The following CRTC1 variants were observed in gnomAD, a reference collection of about 807,000 sequenced individuals.
The protein encoded by CRTC1 is CREB regulated transcription coactivator 1.
In CRTC1, 18 loss-of-function variants were observed where a neutral mutation model predicts 66.1. That is an observed-to-expected ratio of 0.27 (90% CI 0.19 to 0.40). The LOEUF is 0.40. Among genes scored for constraint, CRTC1 ranks in the 10% least tolerant of loss-of-function variants. The pLI is 1.00. For synonymous variants in CRTC1, 416 were observed against 398.8 expected, an observed-to-expected ratio of 1.04 and a Z score of -0.51; for missense variants, 669 against 887.9, an observed-to-expected ratio of 0.75 and a Z score of 3.13.
In CRTC1 at chr19:18,733,978, G is replaced by A. The variant is rs529740680; in HGVS notation, c.127-8932G>A. Among the ~76,000 whole-genome samples the A allele has an allele frequency of 8.5e-5, 13 of 152,160 alleles. No individual in the cohort carries two copies. The South Asian group carries it at 1.2e-3, about 15-fold the overall frequency. ...ACAAAAATTCGCCGGGCATGGTGGC[G>A]CGTGCCTGTAATCCCAGCTACTTGG... On this transcript the variant is annotated intron_variant, in intron 1 of 13. Coordinates refer to ENST00000321949, the MANE Select transcript of CRTC1 (RefSeq NM_015321.3).
intron 13 of CRTC1, among the ~76,000 whole-genome samples, chr19:18,776,733 G>C (rs754167446): frequency 6.6e-6 from 1 of 152,174 alleles, no homozygotes; most frequent in African/African-American, 2.4e-5. Flanking sequence ...GTTTGAACCC[G>C]GGTCTTTGTG....
chr19:18,753,440 C>A, intron 5 of CRTC1, 60 bp from the exon 6 acceptor site: 2 of 1,261,312 alleles, frequency 1.6e-6, no homozygotes, highest in Non-Finnish European at 2.3e-6. Context: ...CCTGGTACCA[C>A]CATGCGGCTG....
intron 1 of CRTC1, among the ~76,000 whole-genome samples, chr19:18,711,381 G>T (rs1476686845): frequency 3.9e-5 from 6 of 152,180 alleles, no homozygotes; most frequent in Non-Finnish European, 7.4e-5. Context: ...TCTGTGCCTG[G>T]GCCGGGCGGG....
intron 13 of CRTC1, 24 bp downstream of exon 13, chr19:18,775,845 G>T (rs374747410): frequency 6.5e-7 from 1 of 1,543,222 alleles, no homozygotes; most frequent in Non-Finnish European, 8.7e-7. Context: ...GGGGGCGCGT[G>T]TGCGGCGCCC....
chr19:18,752,702 G>T (rs370761761), intron 5 of CRTC1, among the ~76,000 whole-genome samples: 1 of 150,712 alleles, frequency 6.6e-6, no homozygotes, highest in Non-Finnish European at 1.5e-5. Context: ...GTGCAATGGC[G>T]TGATGTCAGC....
rs2054871448 is a variant in CRTC1 at position 18,771,628 on chromosome 19, G to GTCCTCATGCATCGC, written c.1425+94_1425+107dup. On this transcript the variant is annotated intron_variant, in intron 11 of 13. Coordinates refer to ENST00000321949, the MANE Select transcript of CRTC1 (RefSeq NM_015321.3). This position sits in a 1 kb window ranked among gnomAD's most constrained non-coding sequence, Gnocchi z 4.6. ...CCCGTGTGTTCCCTGCCCACTGTCT[G>GTCCTCATGCATCGC]TCCTCATGCATCGCTCCTCATGCAT... is the stretch of plus-strand genomic sequence containing the variant. 1 of 1,070,202 alleles carries GTCCTCATGCATCGC rather than the reference G, an allele frequency of 9.3e-7. No homozygotes were observed. Among genetic ancestry groups the GTCCTCATGCATCGC allele is most frequent in the Non-Finnish European group, 1.4e-6 (1 of 712,080 alleles). 66.3% of individuals were successfully genotyped at this position (1,070,202 alleles called of 1,614,324 possible).
chr19:18,698,004 CA>C (rs1312225634), intron 1 of CRTC1, among the ~76,000 whole-genome samples: 1 of 151,840 alleles, frequency 6.6e-6, no homozygotes, highest in Non-Finnish European at 1.5e-5. Flanking sequence ...AGCTGGTGCT[CA>C]GCAGGCTTAC....
intron 1 of CRTC1, among the ~76,000 whole-genome samples, chr19:18,684,843 T>A (rs2052650179): frequency 6.6e-6 from 1 of 151,334 alleles, no homozygotes; most frequent in Admixed American, 6.6e-5. Context: ...GGGGCTGGTG[T>A]CTGAGCACGG....
chr19:18,771,029 T>C lies in CRTC1; in HGVS notation c.1321-413T>C, dbSNP rs2054854809. 6.6e-6 allele frequency among the ~76,000 whole-genome samples: 1 copy of C among 151,292 alleles called. No individual in the cohort carries two copies. Among genetic ancestry groups the C allele is most frequent in the African/African-American group, 2.4e-5 (1 of 41,148 alleles). ...ACATTCATGTGTGGATATGTGCACATGTGTGGGTGTGCATGTGTGGGTATG... is the reference window on the plus strand; with the variant it reads ...ACATTCATGTGTGGATATGTGCACACGTGTGGGTGTGCATGTGTGGGTATG... On this transcript the variant is annotated intron_variant, in intron 10 of 13. Transcript: ENST00000321949. The surrounding 1 kb of genome is among the most constrained non-coding windows in gnomAD (Gnocchi z 4.6).
chr19:18,720,629 G>C (rs993776358), intron 1 of CRTC1, among the ~76,000 whole-genome samples: 8 of 149,258 alleles, frequency 5.4e-5, no homozygotes, highest in Non-Finnish European at 4.4e-5. Flanking sequence ...GCCTCCCAGA[G>C]TGCTGGGATA....
At chr19:18,735,601 G>A (rs2053980685) in intron 1 of CRTC1, 1 of 152,296 alleles carries the variant, frequency 6.6e-6, no homozygotes, top group African/African-American at 2.4e-5. Flanking sequence ...CACAGTAGAG[G>A]CCTGGAGCCC....
chr19:18,761,834 G>A (rs1363649155), intron 8 of CRTC1, among the ~76,000 whole-genome samples: 2 of 152,132 alleles, frequency 1.3e-5, no homozygotes, highest in East Asian at 1.9e-4. Context: ...GGAGGGCATG[G>A]GGACTAGAAT....
At chr19:18,702,151 G>C (rs1359473809) in intron 1 of CRTC1, among the ~76,000 whole-genome samples, 1 of 151,584 alleles carries the variant, frequency 6.6e-6, no homozygotes, top group East Asian at 1.9e-4. Context: ...TTGAACTCCC[G>C]ACCTCAGGTG....
At chr19:18,704,597 A>T (rs143041022) in intron 1 of CRTC1, among the ~76,000 whole-genome samples, 2,073 of 152,144 alleles carry the variant, frequency 0.014, 58 homozygotes, top group African/African-American at 0.048. Context: ...CTGTAATCCC[A>T]GCTACTCGGG....
chr19:18,748,630 G>A (rs931537135), intron 4 of CRTC1, among the ~76,000 whole-genome samples: 5 of 149,162 alleles, frequency 3.4e-5, no homozygotes, highest in Non-Finnish European at 7.4e-5. Context: ...AGCTTGGGAG[G>A]TTGAGGATGC....
intron 1 of CRTC1, among the ~76,000 whole-genome samples, chr19:18,737,535 C>T (rs2054023636): frequency 6.6e-6 from 1 of 152,196 alleles, no homozygotes; most frequent in East Asian, 1.9e-4. Context: ...TGTACTGGTA[C>T]ACCCTCAAAA....
At chr19:18,759,212 G>T (rs2054559241) in intron 6 of CRTC1, among the ~76,000 whole-genome samples, 1 of 152,150 alleles carries the variant, frequency 6.6e-6, no homozygotes, top group Non-Finnish European at 1.5e-5. Context: ...CTATGAAATA[G>T]AATAAAAATT....
intron 1 of CRTC1, among the ~76,000 whole-genome samples, chr19:18,706,298 G>A (rs1391878872): frequency 2.9e-5 from 4 of 138,702 alleles, no homozygotes; most frequent in African/African-American, 5.4e-5. Context: ...TCCTCCTCCC[G>A]GGTTCAAAGC....
chr19:18,775,899 C>T (rs2054977651), intron 13 of CRTC1, 78 bp downstream of exon 13: 1 of 1,423,104 alleles, frequency 7.0e-7, no homozygotes, highest in Non-Finnish European at 9.4e-7. Context: ...GACTGCTGTC[C>T]CGCAGCAGGA....
Sources: gnomAD v4.1 joint callset for allele counts (sites outside exome capture counted in the v4.1 genomes callset) on GRCh38, gnomAD v4.1.1 for gene constraint, Gnocchi (gnomAD v3.1) non-coding constraint, MANE v1.5 for transcripts, NCBI Gene and HGNC (gene_info 2026-07-23, HGNC 2026-07-21) for gene names.